Variants in CGRRF1 observed in about 807,000 individuals in gnomAD.
The protein encoded by CGRRF1 is cell growth regulator with ring finger domain 1.
Under a neutral mutation model 37.2 loss-of-function variants are expected in CGRRF1, and 32 were observed. That is an observed-to-expected ratio of 0.86 (90% confidence interval 0.65 to 1.16). The LOEUF is 1.16. CGRRF1 is among the 50% of genes most tolerant of loss of function. The probability of loss-of-function intolerance (pLI) is 0.00; values close to 1 mark genes in which losing one functional copy is unlikely to be tolerated. For synonymous variants in CGRRF1, 141 were observed against 140.3 expected, an observed-to-expected ratio of 1.00 and a Z score of -0.04; for missense variants, 391 against 382.6, an observed-to-expected ratio of 1.02 and a Z score of -0.18.
intron 4 of CGRRF1, among the ~76,000 whole-genome samples, chr14:54,535,799 A>G (rs2032592391): frequency 6.6e-6 from 1 of 152,158 alleles, no homozygotes; most frequent in African/African-American, 2.4e-5. Flanking sequence ...GCATTCTACA[A>G]CAAGCAAGAG....
chr14:54,517,197 C>A (rs549292485), intron 1 of CGRRF1, among the ~76,000 whole-genome samples: 55 of 152,228 alleles, frequency 3.6e-4, no homozygotes, highest in Admixed American at 1.2e-3. Context: ...TCTTTGCATG[C>A]CTGTTAATGT....
At chr14:54,529,337 C>A (rs2032468073) in intron 2 of CGRRF1, among the ~76,000 whole-genome samples, 1 of 152,192 alleles carries the variant, frequency 6.6e-6, no homozygotes, top group African/African-American at 2.4e-5. Context: ...TTAAATAAAA[C>A]TGTATAATTT....
intron 4 of CGRRF1, 90 bp downstream of exon 4, chr14:54,531,140 A>G: frequency 1.8e-6 from 2 of 1,102,494 alleles, no homozygotes; most frequent in South Asian, 1.5e-5. Flanking sequence ...GTTTTATTTT[A>G]ATTTCTGAGG....
chr14:54,521,057 T>G (rs2032308161), intron 1 of CGRRF1, among the ~76,000 whole-genome samples: 1 of 152,244 alleles, frequency 6.6e-6, no homozygotes, highest in South Asian at 2.1e-4. Flanking sequence ...TTAGCCCCTT[T>G]CATTTTCCTT....
At chr14:54,511,686 G>A (rs2032132485) in intron 1 of CGRRF1, among the ~76,000 whole-genome samples, 1 of 152,228 alleles carries the variant, frequency 6.6e-6, no homozygotes, top group Admixed American at 6.5e-5. Context: ...AGACTTTGGA[G>A]TCAGTCAGAC....
chr14:54,525,713 A>C (rs1045732121), intron 2 of CGRRF1, among the ~76,000 whole-genome samples: 1 of 151,912 alleles, frequency 6.6e-6, no homozygotes, highest in Non-Finnish European at 1.5e-5. Flanking sequence ...ATGTGTAGAT[A>C]GTTTAAAAAT....
At chr14:54,511,969 A>G (rs554783267) in intron 1 of CGRRF1, among the ~76,000 whole-genome samples, 16 of 152,294 alleles carry the variant, frequency 1.1e-4, no homozygotes, top group African/African-American at 3.4e-4. Flanking sequence ...ACTTTTTACT[A>G]TGTTTATTTG....
At chr14:54,519,470 C>T (rs907089423) in intron 1 of CGRRF1, among the ~76,000 whole-genome samples, 3 of 140,784 alleles carry the variant, frequency 2.1e-5, no homozygotes, top group Admixed American at 1.5e-4. Flanking sequence ...AGACTGGTGT[C>T]GAACTCCTGG....
chr14:54,520,694 C>T (rs1235781839), intron 1 of CGRRF1, among the ~76,000 whole-genome samples: 1 of 152,166 alleles, frequency 6.6e-6, no homozygotes, highest in East Asian at 1.9e-4. Flanking sequence ...TTGCATAGCA[C>T]GATGTTTCTG....
At chr14:54,537,563 C>T (rs373396471) in intron 4 of CGRRF1, 159 bp from the exon 5 acceptor site, 36 of 676,270 alleles carry the variant, frequency 5.3e-5, no homozygotes, top group African/African-American at 3.4e-4. Flanking sequence ...ATCAGATTGA[C>T]GTAAATTTTC....
intron 1 of CGRRF1, among the ~76,000 whole-genome samples, chr14:54,519,539 G>C (rs2032279837): frequency 6.6e-6 from 1 of 151,474 alleles, no homozygotes; most frequent in African/African-American, 2.4e-5. Context: ...GCAGGAGCCA[G>C]TGCACCCAGC....
intron 1 of CGRRF1, among the ~76,000 whole-genome samples, chr14:54,520,134 A>C (rs1409607662): frequency 6.6e-6 from 1 of 151,924 alleles, no homozygotes; most frequent in Non-Finnish European, 1.5e-5. Flanking sequence ...TTTGAGATGG[A>C]GTCTTGCTCT....
intron 1 of CGRRF1, among the ~76,000 whole-genome samples, chr14:54,516,078 T>C (rs1416090239): frequency 6.6e-6 from 1 of 152,212 alleles, no homozygotes; most frequent in African/African-American, 2.4e-5. Flanking sequence ...AAATAATTTA[T>C]GTGATTCCAT....
At chr14:54,537,614 T>C in intron 4 of CGRRF1, 108 bp from the exon 5 acceptor site, 1 of 1,160,076 alleles carries the variant, frequency 8.6e-7, no homozygotes, top group Admixed American at 4.0e-5. Context: ...ATTTTTCTTT[T>C]TTTTTGGCAG....
At position 54,530,194 on chromosome 14, in the gene CGRRF1, G is replaced by A; in HGVS notation, c.390G>A (p.Leu130=). 1 of 1,611,026 alleles carries A rather than the reference G, an allele frequency of 6.2e-7. No individual in the cohort carries two copies. Among genetic ancestry groups the A allele is most frequent in the Non-Finnish European group, 8.5e-7 (1 of 1,177,510 alleles). The change falls in exon 3 of 6, where the codon CTG becomes CTA. Residue 130 remains leucine (L), a synonymous_variant. Transcript: ENST00000216420. ...ISTPQALEDA[L]YSEYLYQEQY... ...CTCCCCAAGCATTAGAAGATGCTCT[G>A]TATAGTGAATATCTCTATCAGGAAC...
chr14:54,519,638 C>T (rs2032282071), intron 1 of CGRRF1, among the ~76,000 whole-genome samples: 1 of 152,242 alleles, frequency 6.6e-6, no homozygotes, highest in Admixed American at 6.5e-5. Context: ...CTGGCTCTGG[C>T]CCTTGTCTGG....
At chr14:54,522,093 G>A (rs2032326742) in intron 1 of CGRRF1, among the ~76,000 whole-genome samples, 2 of 152,126 alleles carry the variant, frequency 1.3e-5, no homozygotes, top group Admixed American at 1.3e-4. Context: ...CATAGTATTT[G>A]CATATAACCT....
At chr14:54,526,181 G>A (rs1425088644) in intron 2 of CGRRF1, among the ~76,000 whole-genome samples, 4 of 122,428 alleles carry the variant, frequency 3.3e-5, no homozygotes, top group East Asian at 4.7e-4. Context: ...ACGGAGTCTC[G>A]CTCTGTCGCC....
At chr14:54,531,905 T>C (rs893985829) in intron 4 of CGRRF1, among the ~76,000 whole-genome samples, 1 of 152,206 alleles carries the variant, frequency 6.6e-6, no homozygotes, top group Admixed American at 6.5e-5. Flanking sequence ...GTATTTAATA[T>C]AGATTATTCA....
Sources: gnomAD v4.1 joint callset for allele counts (sites outside exome capture counted in the v4.1 genomes callset) on GRCh38, gnomAD v4.1.1 for gene constraint, MANE v1.5 for transcripts, NCBI Gene and HGNC (gene_info 2026-07-23, HGNC 2026-07-21) for gene names.